The following BCL2 variants were observed in gnomAD, a reference collection of about 807,000 sequenced individuals.
BCL2 encodes BCL2 apoptosis regulator, also known as apoptosis regulator Bcl-2.
Under a neutral mutation model 14.2 loss-of-function variants are expected in BCL2, and 1 was observed. The ratio of observed to expected loss-of-function variants is 0.07; its 90% CI spans 0.02 to 0.33. The LOEUF (loss-of-function observed/expected upper bound fraction) is 0.33, where lower values mean the gene tolerates loss of function less well. Ranked by LOEUF, BCL2 falls within the 10% of genes least tolerant of loss-of-function variation. The pLI is 0.99. For missense variants in BCL2, 247 were observed against 305.9 expected (o/e 0.81, Z 1.44); for synonymous variants, 151 against 137.2 (o/e 1.10, Z -0.70).
intron 2 of BCL2, among the ~76,000 whole-genome samples, chr18:63,277,570 T>G (rs1311941159): frequency 1.5e-5 from 2 of 129,778 alleles, no homozygotes; most frequent in East Asian, 4.2e-4. Flanking sequence ...AGGGAGATCA[T>G]GTCCTTTTTT....
At position 63,230,219 on chromosome 18, in the gene BCL2, C is replaced by T. The variant is rs189814458; in HGVS notation, c.585+87863G>A. ...AAATTGAGATAGATAAAACCACAAT[C>T]CCTAAACCCAAGTACATTTTGAAAT... On this transcript the variant is annotated intron_variant, in intron 2 of 2. Coordinates refer to ENST00000333681, the MANE Select transcript of BCL2 (RefSeq NM_000633.3). 3.2e-3 allele frequency among the ~76,000 whole-genome samples: 486 copies of T among 152,176 alleles called. 13 individuals carry two copies. Among genetic ancestry groups the T allele is most frequent in the Admixed American group, 0.027 (407 of 15,292 alleles).
intron 2 of BCL2, among the ~76,000 whole-genome samples, chr18:63,246,086 T>C (rs964669327): frequency 3.3e-5 from 5 of 152,220 alleles, no homozygotes; most frequent in African/African-American, 1.2e-4. Context: ...TTCACCAGCA[T>C]CCTGCATTAC....
intron 2 of BCL2, among the ~76,000 whole-genome samples, chr18:63,218,799 T>A (rs1465825191): frequency 4.2e-5 from 1 of 23,976 alleles, no homozygotes; most frequent in Admixed American, 5.6e-4. Context: ...CCCCATCTAC[T>A]CATCCCCCTC....
intron 2 of BCL2, among the ~76,000 whole-genome samples, chr18:63,211,063 C>CTTTTTTTTTTTTTTTTTTTTT (rs59302545): frequency 3.4e-5 from 2 of 59,142 alleles, no homozygotes; most frequent in Non-Finnish European, 5.8e-5. Context: ...CTTTTCATTT[C>CTTTTTTTTTTTTTTTTTTTTT]TTTTTTTTTT....
rs1406820365 is a variant in BCL2, at chr18:63,251,569, C to T, written c.585+66513G>A. Among the ~76,000 whole-genome samples, 11 of 149,448 alleles carry T rather than the reference C, an allele frequency of 7.4e-5. No homozygotes were observed. In the South Asian group the frequency reaches 1.9e-3, roughly 26 times the overall value. Reference sequence around the variant, plus strand: ...CTGAGGCAGGAGAATGGCGTGAACCCGGGAGGCGGAGCTTGCAGTGAGCCG... The same window carrying T: ...CTGAGGCAGGAGAATGGCGTGAACCTGGGAGGCGGAGCTTGCAGTGAGCCG... On this transcript the variant is annotated intron_variant, in intron 2 of 2. Transcript: ENST00000333681.
chr18:63,269,582 T>C (rs367704605), intron 2 of BCL2, among the ~76,000 whole-genome samples: 2 of 152,228 alleles, frequency 1.3e-5, no homozygotes, highest in South Asian at 2.1e-4. Flanking sequence ...AAAAGAACTT[T>C]GCTTTTTTAT....
intron 2 of BCL2, among the ~76,000 whole-genome samples, chr18:63,284,753 G>A (rs561401743): frequency 6.6e-6 from 1 of 152,320 alleles, no homozygotes; most frequent in East Asian, 1.9e-4. Context: ...TGGCAAGGGG[G>A]AACCTTGAGT....
chr18:63,151,451 G>A (rs918560096), intron 2 of BCL2: 1 of 148,906 alleles, frequency 6.7e-6, no homozygotes, highest in Non-Finnish European at 1.5e-5. Flanking sequence ...GTTCAGAGAA[G>A]GGCGAGTTCA....
intron 2 of BCL2, among the ~76,000 whole-genome samples, chr18:63,257,622 C>A (rs1213594120): frequency 6.6e-6 from 1 of 152,180 alleles, no homozygotes; most frequent in Non-Finnish European, 1.5e-5. Context: ...ATTCAGGGAA[C>A]TGAAAAGAAC....
At chr18:63,187,542 TGGGCACAGCCCCCTA>T (rs887817118) in intron 2 of BCL2, among the ~76,000 whole-genome samples, 3 of 152,252 alleles carry the variant, frequency 2.0e-5, no homozygotes, top group Non-Finnish European at 4.4e-5. Context: ...GTCTGTTTTG[TGGGCACAGCCCCCTA>T]CACCCACCCC....
chr18:63,169,291 T>C (rs1915135383), intron 2 of BCL2, among the ~76,000 whole-genome samples: 1 of 80,194 alleles, frequency 1.2e-5, no homozygotes. Context: ...TTTCTTTCTT[T>C]CTTTCTTTCT....
chr18:63,212,406 T>A (rs955680531), intron 2 of BCL2, among the ~76,000 whole-genome samples: 1 of 151,470 alleles, frequency 6.6e-6, no homozygotes, highest in African/African-American at 2.4e-5. Flanking sequence ...CAAGTTTCCT[T>A]TAAAGAAGGG....
At chr18:63,254,328 T>C (rs1911404326) in intron 2 of BCL2, among the ~76,000 whole-genome samples, 2 of 139,016 alleles carry the variant, frequency 1.4e-5, no homozygotes, top group South Asian at 4.5e-4. Flanking sequence ...GGTGGATCAC[T>C]TGAGGTCAGG....
chr18:63,276,973 A>C (rs187690427), intron 2 of BCL2, among the ~76,000 whole-genome samples: 80 of 152,292 alleles, frequency 5.3e-4, no homozygotes, highest in African/African-American at 1.9e-3. Flanking sequence ...CTAAATATCT[A>C]TCATAAGAAG....
At chr18:63,138,661 G>A (rs1914274097) in intron 2 of BCL2, among the ~76,000 whole-genome samples, 1 of 152,226 alleles carries the variant, frequency 6.6e-6, no homozygotes, top group Non-Finnish European at 1.5e-5. Context: ...AGGAACTCTG[G>A]GTCCAGGGGG....
intron 2 of BCL2, among the ~76,000 whole-genome samples, chr18:63,293,650 T>C (rs750173987): frequency 2.6e-5 from 4 of 152,146 alleles, no homozygotes; most frequent in Admixed American, 6.5e-5. Flanking sequence ...TACTCACATA[T>C]GGTGCTTGTT....
chr18:63,276,182 C>G (rs1166615223), intron 2 of BCL2, among the ~76,000 whole-genome samples: 3 of 152,202 alleles, frequency 2.0e-5, no homozygotes, highest in African/African-American at 7.2e-5. Flanking sequence ...CTGCAGCTCA[C>G]TCTTGGGGGC....
chr18:63,318,268 C>T lies in BCL2; in HGVS notation c.399G>A (p.Val133=), dbSNP rs2144322462. The part of the protein sequence containing the change: ...PFTARGRFAT[V]VEELFRDGVN... ...CCCCGTCCCTGAAGAGCTCCTCCACCACCGTGGCAAAGCGTCCCCGCGCGG... is the reference window on the plus strand; with the variant it reads ...CCCCGTCCCTGAAGAGCTCCTCCACTACCGTGGCAAAGCGTCCCCGCGCGG... The change falls in exon 2 of 3, where the codon GTG becomes GTA. Residue 133 remains valine, a synonymous_variant. Coordinates refer to ENST00000333681, the MANE Select transcript of BCL2 (RefSeq NM_000633.3). The surrounding 1 kb of genome is among the most constrained non-coding windows in gnomAD (Gnocchi z 7.4). The T allele has an allele frequency of 6.2e-7, 1 of 1,614,228 alleles. No individual in the cohort carries two copies. Among genetic ancestry groups the T allele is most frequent in the Non-Finnish European group, 8.5e-7 (1 of 1,180,038 alleles).
chr18:63,267,818 C>T (rs888888816), intron 2 of BCL2, among the ~76,000 whole-genome samples: 8 of 152,038 alleles, frequency 5.3e-5, no homozygotes, highest in African/African-American at 1.4e-4. Context: ...CAGGTAAATC[C>T]CTGCTCTCTC....
Sources: gnomAD v4.1 joint callset for allele counts (sites outside exome capture counted in the v4.1 genomes callset) on GRCh38, gnomAD v4.1.1 for gene constraint, Gnocchi (gnomAD v3.1) non-coding constraint, MANE v1.5 for transcripts, NCBI Gene and HGNC (gene_info 2026-07-23, HGNC 2026-07-21) for gene names.